The following PITPNM3 variants were observed in gnomAD, a reference collection of about 807,000 sequenced individuals.
PITPNM3 encodes the protein membrane-associated phosphatidylinositol transfer protein 3.
PITPNM3 carries 26 observed loss-of-function variants against 102.0 expected under a neutral mutation model. The ratio of observed to expected loss-of-function variants is 0.25; its 90% confidence interval spans 0.19 to 0.35. The LOEUF (loss-of-function observed/expected upper bound fraction) is 0.35, where lower values mean the gene tolerates loss of function less well. Among genes scored for constraint, PITPNM3 ranks in the 10% least tolerant of loss-of-function variants. PITPNM3 has a pLI of 1.00. For synonymous variants in PITPNM3, 578 were observed against 558.6 expected (o/e 1.03, Z -0.49); for missense variants, 1,083 against 1,346.1 (o/e 0.80, Z 3.06).
chr17:6,540,439 G>A (rs1909669776), intron 1 of PITPNM3, among the ~76,000 whole-genome samples: 2 of 151,356 alleles, frequency 1.3e-5, no homozygotes, highest in South Asian at 4.2e-4. Context: ...TTGAATGTGT[G>A]GATCTGTACT....
chr17:6,525,315 C>A, intron 3 of PITPNM3, 41 bp downstream of exon 3: 1 of 1,574,712 alleles, frequency 6.4e-7, no homozygotes. Flanking sequence ...CTGCAACACA[C>A]CTATGTGCAC....
intron 1 of PITPNM3, among the ~76,000 whole-genome samples, chr17:6,555,360 C>A (rs1197849172): frequency 6.6e-6 from 1 of 152,188 alleles, no homozygotes; most frequent in Admixed American, 6.5e-5. Context: ...ACACACAGCC[C>A]GATGGTATTC....
intron 2 of PITPNM3, among the ~76,000 whole-genome samples, chr17:6,534,034 T>C (rs1909282957): frequency 6.6e-6 from 1 of 152,234 alleles, no homozygotes; most frequent in Non-Finnish European, 1.5e-5. Context: ...TCAGAGGTGT[T>C]AGATTCAAAA....
At chr17:6,533,906 C>T (rs567669809) in intron 2 of PITPNM3, among the ~76,000 whole-genome samples, 1 of 152,198 alleles carries the variant, frequency 6.6e-6, no homozygotes, top group Non-Finnish European at 1.5e-5. Flanking sequence ...TGGACGGACG[C>T]ACCATTAATA....
In PITPNM3 at chr17:6,528,829, A is replaced by G. The variant is rs553669421; in HGVS notation, c.119-3366T>C. ...CACACACACACACACACACATACACACGGAAGCAGCAGCAGCAATATCTCC... is the reference window on the plus strand; with the variant it reads ...CACACACACACACACACACATACACGCGGAAGCAGCAGCAGCAATATCTCC... On this transcript the variant is annotated intron_variant, in intron 2 of 19. Transcript: ENST00000262483. Among the ~76,000 whole-genome samples the G allele has an allele frequency of 5.9e-5, 9 of 152,194 alleles. No homozygotes were observed. In the East Asian group the frequency reaches 1.5e-3, roughly 26 times the overall value.
intron 2 of PITPNM3, among the ~76,000 whole-genome samples, chr17:6,533,799 T>C (rs1909267459): frequency 6.6e-6 from 1 of 152,166 alleles, no homozygotes; most frequent in Admixed American, 6.5e-5. Context: ...TTCCTATTTG[T>C]CACCTACCAC....
chr17:6,477,209 G>T lies in PITPNM3; in HGVS notation c.905C>A (p.Thr302Asn). 2 of 1,614,008 alleles carry T rather than the reference G, an allele frequency of 1.2e-6. No homozygotes were observed. The highest frequency in any genetic ancestry group is 1.7e-6 in the Non-Finnish European group (2 of 1,179,990). The stretch of plus-strand genomic sequence containing the variant: ...GCAATCTTCCTCCACCGCGACTGGG[G>T]TGTCCTTTGGGACCGAACAGGGGAC... ...RKGSISSTQD[T>N]PVAVEEDCSL... Residue 302 changes from threonine (T) to asparagine (N), a missense_variant, in exon 9 of 20, where the codon ACC becomes AAC. Thr to Asn is a moderately conservative substitution (Grantham distance 65, BLOSUM62 0). Transcript: ENST00000262483.
chr17:6,532,315 T>G (rs1909190634), intron 2 of PITPNM3, among the ~76,000 whole-genome samples: 1 of 152,094 alleles, frequency 6.6e-6, no homozygotes, highest in South Asian at 2.1e-4. Flanking sequence ...CAGTCTCCAT[T>G]TTTTAAACAG....
chr17:6,456,627 G>A (rs1176783395), intron 19 of PITPNM3, among the ~76,000 whole-genome samples: 2 of 152,146 alleles, frequency 1.3e-5, no homozygotes, highest in African/African-American at 2.4e-5. Flanking sequence ...GCACTTCAGA[G>A]TTTGAGAAGC....
At chr17:6,549,547 G>A (rs1226711302) in intron 1 of PITPNM3, among the ~76,000 whole-genome samples, 4 of 152,190 alleles carry the variant, frequency 2.6e-5, no homozygotes, top group African/African-American at 9.7e-5. Context: ...ACCCTGTGGG[G>A]GCTGGTGGCC....
chr17:6,460,670 A>C (rs1233546228), intron 18 of PITPNM3: 1 of 152,464 alleles, frequency 6.6e-6, no homozygotes, highest in Non-Finnish European at 1.5e-5. Flanking sequence ...TCCATTTGAA[A>C]GTGTAAAAAC....
chr17:6,554,158 A>G lies in PITPNM3; in HGVS notation c.22+2227T>C, dbSNP rs561885608. On this transcript the variant is annotated intron_variant, in intron 1 of 19. Transcript: ENST00000262483. ...ACATGATGAAACCTTCGTCTCTACT[A>G]AAAATACAAAAATTAGCTGGATGTG... 7.9e-5 allele frequency among the ~76,000 whole-genome samples: 12 copies of G among 151,996 alleles called. No individual in the cohort carries two copies. The East Asian group carries it at 2.1e-3, about 27-fold the overall frequency.
chr17:6,475,356 A>C (rs1482465434), intron 9 of PITPNM3, among the ~76,000 whole-genome samples: 1 of 152,236 alleles, frequency 6.6e-6, no homozygotes, highest in African/African-American at 2.4e-5. Flanking sequence ...GCTGAGAATC[A>C]GAAGGAAACC....
chr17:6,494,580 C>A (rs1295751237), intron 4 of PITPNM3, among the ~76,000 whole-genome samples: 1 of 152,212 alleles, frequency 6.6e-6, no homozygotes, highest in Non-Finnish European at 1.5e-5. Flanking sequence ...AACCTTAGAA[C>A]CCTAAACTAG....
In PITPNM3 at chr17:6,470,357, G is replaced by A. The variant is rs1905006559; in HGVS notation, c.1676C>T (p.Pro559Leu). 2 of 1,614,190 alleles carry A rather than the reference G, an allele frequency of 1.2e-6. No homozygotes were observed. The highest frequency in any genetic ancestry group is 8.5e-7 in the Non-Finnish European group (1 of 1,180,022). The change falls in exon 13 of 20, where the codon CCT (proline) becomes CTT (leucine). Residue 559 changes from proline (P) to leucine (L), a missense_variant. Pro to Leu is a moderately conservative substitution (Grantham distance 98). Around this residue, in one of 5 missense-constraint regions of PITPNM3, gnomAD observed 410 missense variants for 638.4 expected, o/e 0.64. Transcript: ENST00000262483. This position sits in a 1 kb window ranked among gnomAD's most constrained non-coding sequence, Gnocchi z 4.8. ...SKRIDYALYC[P>L]DVLTAFPTVA... Reference sequence around the variant, plus strand: ...GGTGGGGAAGGCCGTGAGGACATCAGGGCAGTACAGGGCATAGTCGATCCT... The same window carrying A: ...GGTGGGGAAGGCCGTGAGGACATCAAGGCAGTACAGGGCATAGTCGATCCT...
rs1484468422 is a variant in PITPNM3 at position 6,455,583 on chromosome 17, G to T, written c.2680C>A (p.Pro894Thr). The change falls in exon 20 of 20, where the codon CCA becomes ACA. Residue 894 changes from proline (P) to threonine (T), a missense_variant. Physicochemically the swap from Pro to Thr is conservative, Grantham distance 38. This residue lies in a region of PITPNM3 where 208 missense variants were observed against 178.2 expected (regional missense o/e 1.17). Transcript: ENST00000262483. ...AALEASHRSR[P>T]KKNNSRMILR... ...ATCATGCGCGAGTTGTTCTTCTTTG[G>T]GCGTGAGCGGTGGCTGGCCTCCAGC... is the stretch of plus-strand genomic sequence containing the variant. 6.3e-7 allele frequency: 1 copy of T among 1,598,082 alleles called. No homozygotes were observed. The highest frequency in any genetic ancestry group is 1.4e-5 in the African/African-American group (1 of 73,596).
chr17:6,511,333 T>C (rs1907852285), intron 3 of PITPNM3, among the ~76,000 whole-genome samples: 1 of 152,250 alleles, frequency 6.6e-6, no homozygotes, highest in African/African-American at 2.4e-5. Context: ...CTACACGATC[T>C]AGTCTTTTTC....
chr17:6,488,296 G>A (rs1009255112), intron 4 of PITPNM3, among the ~76,000 whole-genome samples: 11 of 152,166 alleles, frequency 7.2e-5, no homozygotes, highest in African/African-American at 2.4e-4. Context: ...CCCTCTGCCT[G>A]CAAGCCCTTC....
At chr17:6,547,576 C>G (rs79820100) in intron 1 of PITPNM3, among the ~76,000 whole-genome samples, 96 of 152,066 alleles carry the variant, frequency 6.3e-4, no homozygotes, top group Non-Finnish European at 1.2e-3. Flanking sequence ...GAGGGCAGCC[C>G]GAAAGACAGG....
Sources: gnomAD v4.1 joint callset for allele counts (sites outside exome capture counted in the v4.1 genomes callset) on GRCh38, gnomAD v4.1.1 for gene constraint, gnomAD v4.1.1 regional missense constraint, Gnocchi (gnomAD v3.1) non-coding constraint, MANE v1.5 for transcripts, NCBI Gene and HGNC (gene_info 2026-07-23, HGNC 2026-07-21) for gene names.